Variants in ATXN1 observed in about 807,000 individuals in gnomAD.
ATXN1 encodes the protein ataxin-1.
In ATXN1, 8 loss-of-function variants were observed where a neutral mutation model predicts 56.4. The observed-to-expected ratio is 0.14, with a 90% CI of 0.08 to 0.26. ATXN1 has a LOEUF of 0.26. Among genes scored for constraint, ATXN1 ranks in the 10% least tolerant of loss-of-function variants. The pLI is 1.00. For missense variants in ATXN1, 987 were observed against 1,106.5 expected, an observed-to-expected ratio of 0.89 and a Z score of 1.53; for synonymous variants, 514 against 494.6, an observed-to-expected ratio of 1.04 and a Z score of -0.52.
At chr6:16,680,368 T>C (rs1758789160) in intron 2 of ATXN1, among the ~76,000 whole-genome samples, 1 of 152,224 alleles carries the variant, frequency 6.6e-6, no homozygotes, top group East Asian at 1.9e-4. Flanking sequence ...TTCCTTTTCT[T>C]TCTTTTCCTT....
chr6:16,608,235 C>T lies in ATXN1; in HGVS notation c.-488-22328G>A, dbSNP rs563112152. 2.0e-5 allele frequency among the ~76,000 whole-genome samples: 3 copies of T among 152,352 alleles called. No individual in the cohort carries two copies. In the South Asian group the frequency reaches 6.2e-4, roughly 32 times the overall value. ...TACATCTGTCTGCCTATCCAGCTCT[C>T]TCTCTTTCTGTCTCTCTCCAAGGTC... On this transcript the variant is annotated intron_variant, in intron 3 of 7. Coordinates refer to ENST00000436367, the MANE Select transcript of ATXN1 (RefSeq NM_001128164.2).
intron 4 of ATXN1, among the ~76,000 whole-genome samples, chr6:16,582,827 T>C (rs779544589): frequency 6.6e-6 from 1 of 152,206 alleles, no homozygotes; most frequent in Non-Finnish European, 1.5e-5. Flanking sequence ...TGAGTCTTTA[T>C]TGATTTTGTA....
At chr6:16,349,423 A>C (rs1474466529) in intron 6 of ATXN1, among the ~76,000 whole-genome samples, 2 of 152,106 alleles carry the variant, frequency 1.3e-5, no homozygotes, top group African/African-American at 4.8e-5. Flanking sequence ...GAATCACTTG[A>C]ACCCGGGAGG....
chr6:16,714,561 C>T (rs965437882), intron 2 of ATXN1, among the ~76,000 whole-genome samples: 1 of 152,148 alleles, frequency 6.6e-6, no homozygotes, highest in Non-Finnish European at 1.5e-5. Flanking sequence ...TGACACTTAA[C>T]ATTTGTCCCA....
At chr6:16,345,292 T>C (rs1761352559) in intron 6 of ATXN1, among the ~76,000 whole-genome samples, 1 of 152,214 alleles carries the variant, frequency 6.6e-6, no homozygotes, top group African/African-American at 2.4e-5. Context: ...GTATAATATA[T>C]TGTGTGAGAT....
At chr6:16,656,031 A>G (rs2113356240) in intron 3 of ATXN1, among the ~76,000 whole-genome samples, 1 of 151,706 alleles carries the variant, frequency 6.6e-6, no homozygotes, top group South Asian at 2.1e-4. Flanking sequence ...TGGAGGTTGC[A>G]GTGAACTGAG....
chr6:16,693,139 A>AG (rs1346295752), intron 2 of ATXN1, among the ~76,000 whole-genome samples: 3 of 152,212 alleles, frequency 2.0e-5, no homozygotes, highest in Non-Finnish European at 1.5e-5. Context: ...ACCTACTAAC[A>AG]GGGCCACTGT....
At chr6:16,748,058 CTT>C (rs1760592396) in intron 2 of ATXN1, among the ~76,000 whole-genome samples, 1 of 152,196 alleles carries the variant, frequency 6.6e-6, no homozygotes, top group Non-Finnish European at 1.5e-5. Flanking sequence ...CGCTGAGACT[CTT>C]GATGCTGAAT....
intron 6 of ATXN1, among the ~76,000 whole-genome samples, chr6:16,417,461 C>T (rs1197289461): frequency 7.3e-6 from 1 of 136,738 alleles, no homozygotes; most frequent in Non-Finnish European, 1.6e-5. Context: ...TTTCTTGAGA[C>T]GGAGTCTTGC....
chr6:16,542,260 A>G (rs1761729458), intron 4 of ATXN1, among the ~76,000 whole-genome samples: 1 of 152,162 alleles, frequency 6.6e-6, no homozygotes, highest in African/African-American at 2.4e-5. Context: ...AGCATCCACA[A>G]TCTGCATTCA....
chr6:16,620,113 A>G (rs1763291427), intron 3 of ATXN1, among the ~76,000 whole-genome samples: 1 of 152,122 alleles, frequency 6.6e-6, no homozygotes, highest in Admixed American at 6.5e-5. Context: ...TTGATTTTAA[A>G]ACAATAACCC....
At chr6:16,439,377 GCGGGAATAAGGGTTGGGGT>G (rs1759464701) in intron 6 of ATXN1, among the ~76,000 whole-genome samples, 1 of 35,668 alleles carries the variant, frequency 2.8e-5, no homozygotes, top group Non-Finnish European at 6.1e-5. Flanking sequence ...CGGGGGCGGG[GCGGGAATAAGGGTTGGGGT>G]GGGGTGGGGA....
At chr6:16,540,805 T>C (rs1253326182) in intron 4 of ATXN1, among the ~76,000 whole-genome samples, 1 of 152,214 alleles carries the variant, frequency 6.6e-6, no homozygotes, top group Non-Finnish European at 1.5e-5. Flanking sequence ...TATTTACTTA[T>C]GAGTTCCTCT....
chr6:16,473,541 T>C (rs1760263709), intron 6 of ATXN1, among the ~76,000 whole-genome samples: 1 of 152,110 alleles, frequency 6.6e-6, no homozygotes, highest in Non-Finnish European at 1.5e-5. Flanking sequence ...GGGAAAAACA[T>C]GTTGGAAGGA....
At chr6:16,530,792 A>G (rs998890646) in intron 4 of ATXN1, among the ~76,000 whole-genome samples, 2 of 152,256 alleles carry the variant, frequency 1.3e-5, no homozygotes, top group Admixed American at 1.3e-4. Flanking sequence ...ATCCACACAT[A>G]GAAGTCAATC....
At chr6:16,444,115 CAAAA>C (rs59044073) in intron 6 of ATXN1, among the ~76,000 whole-genome samples, 5 of 131,342 alleles carry the variant, frequency 3.8e-5, no homozygotes, top group Admixed American at 1.5e-4. Flanking sequence ...GGCTCCGTCT[CAAAA>C]AAAAAAAAAA....
chr6:16,379,991 A>G (rs1334561524), intron 6 of ATXN1, among the ~76,000 whole-genome samples: 2 of 152,228 alleles, frequency 1.3e-5, no homozygotes, highest in Non-Finnish European at 2.9e-5. Flanking sequence ...CCAGCAGGCT[A>G]TAGAATGTTT....
At chr6:16,443,356 G>A (rs1170885659) in intron 6 of ATXN1, among the ~76,000 whole-genome samples, 1 of 151,972 alleles carries the variant, frequency 6.6e-6, no homozygotes, top group Admixed American at 6.6e-5. Flanking sequence ...TTGTTTTGTG[G>A]GTTTTGTTTC....
intron 6 of ATXN1, among the ~76,000 whole-genome samples, chr6:16,474,196 G>C (rs1232821635): frequency 2.0e-5 from 3 of 152,218 alleles, no homozygotes; most frequent in East Asian, 1.9e-4. Context: ...CATGTGACTA[G>C]AGCTGGAGTT....
Sources: allele counts gnomAD v4.1 joint callset (sites outside exome capture counted in the v4.1 genomes callset), GRCh38; gene constraint gnomAD v4.1.1; transcripts MANE v1.5; gene names NCBI Gene and HGNC (gene_info 2026-07-23, HGNC 2026-07-21).